GSG1L: variants seen among roughly 807,000 people sequenced by gnomAD.
GSG1L encodes the protein GSG1 like.
GSG1L carries 24 observed loss-of-function variants against 42.1 expected under a neutral mutation model. The observed-to-expected ratio is 0.57, with a 90% CI of 0.41 to 0.80. The LOEUF is 0.80. Ranked by LOEUF, GSG1L falls within the 30% of genes least tolerant of loss-of-function variation. The probability of loss-of-function intolerance (pLI) is 0.00; values close to 1 mark genes in which losing one functional copy is unlikely to be tolerated. For synonymous variants in GSG1L, 215 were observed against 203.5 expected (o/e 1.06, Z -0.48); for missense variants, 445 against 472.2 (o/e 0.94, Z 0.53).
At chr16:27,848,792 G>T (rs2083471307) in intron 3 of GSG1L, among the ~76,000 whole-genome samples, 1 of 152,040 alleles carries the variant, frequency 6.6e-6, no homozygotes. Flanking sequence ...GGAATGAGGA[G>T]CTGAGGGCAG....
At chr16:27,985,332 G>A (rs982255391) in intron 1 of GSG1L, among the ~76,000 whole-genome samples, 1 of 152,012 alleles carries the variant, frequency 6.6e-6, no homozygotes, top group Non-Finnish European at 1.5e-5. Flanking sequence ...GGAGTTCTTG[G>A]TCTGTTAGTT....
At chr16:27,806,685 G>T (rs933592731) in intron 6 of GSG1L, among the ~76,000 whole-genome samples, 5 of 152,224 alleles carry the variant, frequency 3.3e-5, no homozygotes, top group Non-Finnish European at 7.3e-5. Flanking sequence ...ACAGATAGAT[G>T]CCACTGGAGC....
intron 6 of GSG1L, among the ~76,000 whole-genome samples, chr16:27,807,115 T>A (rs8056749): frequency 0.32 from 47,970 of 152,160 alleles, 9,216 homozygotes; most frequent in African/African-American, 0.55. Context: ...AAGAGTATCC[T>A]CAGCTCAAAC....
chr16:27,985,718 AGCTACCTG>A (rs1441074037), intron 1 of GSG1L, among the ~76,000 whole-genome samples: 1 of 151,984 alleles, frequency 6.6e-6, no homozygotes, highest in Non-Finnish European at 1.5e-5. Flanking sequence ...GCAGAATCCC[AGCTACCTG>A]GGAGGCTGAG....
chr16:27,823,927 A>G (rs1451335094), intron 5 of GSG1L: 2 of 702,924 alleles, frequency 2.8e-6, no homozygotes, highest in Non-Finnish European at 5.2e-6. Flanking sequence ...TGTAAAATGG[A>G]GGTGACAATA....
chr16:28,054,290 G>A (rs771822249), intron 1 of GSG1L, among the ~76,000 whole-genome samples: 3 of 152,084 alleles, frequency 2.0e-5, no homozygotes, highest in African/African-American at 4.8e-5. Context: ...CCCCACCATC[G>A]GGGAAGAAGG....
At chr16:27,894,091 T>C (rs2084162184) in intron 2 of GSG1L, among the ~76,000 whole-genome samples, 1 of 152,158 alleles carries the variant, frequency 6.6e-6, no homozygotes, top group Non-Finnish European at 1.5e-5. Flanking sequence ...CTGAGAAAGA[T>C]TGAGGACCTG....
intron 3 of GSG1L, among the ~76,000 whole-genome samples, chr16:27,848,662 C>T (rs2140987117): frequency 6.6e-6 from 1 of 152,218 alleles, no homozygotes; most frequent in Non-Finnish European, 1.5e-5. Context: ...AGGCAGTAAA[C>T]ATTTCCATGA....
At chr16:28,012,397 A>G (rs2085730814) in intron 1 of GSG1L, among the ~76,000 whole-genome samples, 1 of 151,970 alleles carries the variant, frequency 6.6e-6, no homozygotes, top group Admixed American at 6.6e-5. Context: ...CAGTCACTCA[A>G]CCTCTCTGAG....
intron 1 of GSG1L, among the ~76,000 whole-genome samples, chr16:28,008,807 CT>C (rs977004460): frequency 4.6e-5 from 7 of 151,984 alleles, no homozygotes; most frequent in African/African-American, 1.7e-4. Context: ...GTTGTCAGAA[CT>C]TTTTTGTTTG....
intron 5 of GSG1L, among the ~76,000 whole-genome samples, chr16:27,809,679 C>T (rs183024368): frequency 6.6e-6 from 1 of 152,292 alleles, no homozygotes; most frequent in East Asian, 1.9e-4. Flanking sequence ...TCTTTTCTCT[C>T]ACTTGTCTTG....
At chr16:27,912,793 C>T (rs1453417662) in intron 2 of GSG1L, among the ~76,000 whole-genome samples, 1 of 151,830 alleles carries the variant, frequency 6.6e-6, no homozygotes, top group African/African-American at 2.4e-5. Flanking sequence ...AATACAGGTT[C>T]AACAATGTTC....
chr16:27,946,575 AAGAAAG>A (rs1398887501), intron 2 of GSG1L, among the ~76,000 whole-genome samples: 527 of 25,162 alleles, frequency 0.021, 9 homozygotes, highest in African/African-American at 0.057. Context: ...GAAAGAAAGA[AAGAAAG>A]AGAGAGAGAG....
intron 1 of GSG1L, among the ~76,000 whole-genome samples, chr16:27,986,599 G>A (rs1457594880): frequency 6.6e-6 from 1 of 152,178 alleles, no homozygotes; most frequent in East Asian, 1.9e-4. Flanking sequence ...TGCAGGGGAT[G>A]GGCTGATCAC....
At chr16:27,820,835 C>A (rs1018093442) in intron 5 of GSG1L, among the ~76,000 whole-genome samples, 4 of 152,132 alleles carry the variant, frequency 2.6e-5, no homozygotes, top group African/African-American at 9.7e-5. Context: ...CCCCAGACAC[C>A]GTGGGAGGAG....
rs2086365968 is a variant in GSG1L at position 28,063,239 on chromosome 16, G to A, written c.186C>T (p.Asn62=). Residue 62 remains asparagine (N), a synonymous_variant, in exon 1 of 7, where the codon AAC becomes AAT. Coordinates refer to ENST00000447459, the MANE Select transcript of GSG1L (RefSeq NM_001109763.2). This position sits in a 1 kb window ranked among gnomAD's most constrained non-coding sequence, Gnocchi z 5.8. ...CGGCGGCGGCGGGGGCGGCGGTGCC[G>A]TTGGCCGTGGCGTTGGCGCCCGAGT... ...CPNSGANATA[N]GTAAPAAAAA... is the part of the protein sequence containing the mutation. 1.6e-6 allele frequency: 2 copies of A among 1,274,988 alleles called. No homozygotes were observed. Among genetic ancestry groups the A allele is most frequent in the South Asian group, 2.5e-5 (1 of 40,102 alleles). The allele number at this position is 1,274,988 out of a possible 1,614,324, so 79.0% of individuals were successfully genotyped here.
At chr16:27,850,725 G>A (rs768935202) in intron 3 of GSG1L, 7 of 355,726 alleles carry the variant, frequency 2.0e-5, no homozygotes, top group Non-Finnish European at 2.2e-5. Context: ...AGCTGGAGAG[G>A]GCCTGGGGCT....
intron 1 of GSG1L, among the ~76,000 whole-genome samples, chr16:28,010,358 C>T (rs370099460): frequency 3.9e-5 from 6 of 152,128 alleles, no homozygotes; most frequent in South Asian, 4.1e-4. Flanking sequence ...TTAGGGTTAG[C>T]GGAAGGCTTG....
intron 2 of GSG1L, among the ~76,000 whole-genome samples, chr16:27,905,209 G>A (rs756985103): frequency 4.6e-5 from 7 of 152,032 alleles, no homozygotes; most frequent in Non-Finnish European, 7.3e-5. Context: ...AGCCGAGCAT[G>A]GTCTCCAACC....
Sources: gnomAD v4.1 joint callset for allele counts (sites outside exome capture counted in the v4.1 genomes callset) on GRCh38, gnomAD v4.1.1 for gene constraint, Gnocchi (gnomAD v3.1) non-coding constraint, MANE v1.5 for transcripts, NCBI Gene and HGNC (gene_info 2026-07-23, HGNC 2026-07-21) for gene names.